Variants in MACROD2 observed in about 807,000 individuals in gnomAD.
MACROD2 encodes ADP-ribose glycohydrolase MACROD2.
MACROD2 carries 36 observed loss-of-function variants against 70.4 expected under a neutral mutation model. The observed-to-expected ratio is 0.51, with a 90% confidence interval of 0.39 to 0.68. The LOEUF (loss-of-function observed/expected upper bound fraction) is 0.68, where lower values mean the gene tolerates loss of function less well. Ranked by LOEUF, MACROD2 falls within the 30% of genes least tolerant of loss-of-function variation. The pLI is 0.00. For missense variants in MACROD2, 496 were observed against 538.4 expected (o/e 0.92, Z 0.78); for synonymous variants, 172 against 178.8 (o/e 0.96, Z 0.30).
At chr20:15,657,445 T>C (rs1387724476) in intron 8 of MACROD2, among the ~76,000 whole-genome samples, 2 of 152,158 alleles carry the variant, frequency 1.3e-5, no homozygotes, top group South Asian at 4.1e-4. Flanking sequence ...GAAAATGTAT[T>C]TTCTTAAATC....
intron 8 of MACROD2, among the ~76,000 whole-genome samples, chr20:15,823,757 G>A (rs2063967212): frequency 6.6e-6 from 1 of 152,190 alleles, no homozygotes; most frequent in Non-Finnish European, 1.5e-5. Flanking sequence ...ATATGGCTGT[G>A]TAATTGTCAG....
chr20:14,957,970 G>A (rs905975361), intron 5 of MACROD2, among the ~76,000 whole-genome samples: 1 of 151,882 alleles, frequency 6.6e-6, no homozygotes, highest in South Asian at 2.1e-4. Flanking sequence ...CTATTAGGTT[G>A]GTGCAAAAAT....
chr20:14,647,428 T>C (rs1216823663), intron 4 of MACROD2, among the ~76,000 whole-genome samples: 1 of 152,108 alleles, frequency 6.6e-6, no homozygotes, highest in Non-Finnish European at 1.5e-5. Context: ...GGTGTAATGA[T>C]AAAAGAGATA....
chr20:14,180,676 A>C, intron 3 of MACROD2, among the ~76,000 whole-genome samples: 1 of 151,788 alleles, frequency 6.6e-6, no homozygotes, highest in East Asian at 1.9e-4. Flanking sequence ...ATTTTCTTTT[A>C]TCTTATTTTT....
intron 8 of MACROD2, among the ~76,000 whole-genome samples, chr20:15,627,093 A>T (rs948700506): frequency 2.6e-5 from 4 of 152,084 alleles, no homozygotes; most frequent in African/African-American, 7.2e-5. Flanking sequence ...CAGTAGGTAG[A>T]GATGTGTGAA....
At chr20:15,633,228 T>G (rs1166168997) in intron 8 of MACROD2, among the ~76,000 whole-genome samples, 1 of 152,212 alleles carries the variant, frequency 6.6e-6, no homozygotes, top group African/African-American at 2.4e-5. Context: ...AGTTTTTTTT[T>G]TATTTCAAAA....
intron 15 of MACROD2, among the ~76,000 whole-genome samples, chr20:16,013,821 T>C (rs1334690719): frequency 6.6e-6 from 1 of 152,242 alleles, no homozygotes; most frequent in African/African-American, 2.4e-5. Flanking sequence ...TGGCATCCTA[T>C]TACTGCCAGA....
chr20:14,245,633 A>G (rs921818131), intron 3 of MACROD2, among the ~76,000 whole-genome samples: 2 of 152,178 alleles, frequency 1.3e-5, no homozygotes, highest in African/African-American at 4.8e-5. Flanking sequence ...AAAGAGCAGA[A>G]TTAAAGAATC....
At chr20:15,994,358 G>C (rs2066599245) in intron 15 of MACROD2, among the ~76,000 whole-genome samples, 1 of 152,026 alleles carries the variant, frequency 6.6e-6, no homozygotes, top group South Asian at 2.1e-4. Flanking sequence ...ATTAAAGTAA[G>C]ACACAATAAT....
chr20:15,879,571 A>G (rs1210764053), intron 9 of MACROD2, among the ~76,000 whole-genome samples: 1 of 152,172 alleles, frequency 6.6e-6, no homozygotes, highest in Non-Finnish European at 1.5e-5. Context: ...TGTCTCATAA[A>G]AAGTTATCTT....
intron 6 of MACROD2, among the ~76,000 whole-genome samples, chr20:15,382,014 A>G (rs1174343024): frequency 1.3e-5 from 2 of 152,156 alleles, no homozygotes; most frequent in Non-Finnish European, 2.9e-5. Context: ...AGAAGCTTTA[A>G]TATGCTAAAA....
chr20:15,472,533 C>G (rs1280414307), intron 7 of MACROD2, among the ~76,000 whole-genome samples: 1 of 151,520 alleles, frequency 6.6e-6, no homozygotes, highest in Non-Finnish European at 1.5e-5. Flanking sequence ...TGTTTTTTTT[C>G]TATTAATAAC....
intron 5 of MACROD2, among the ~76,000 whole-genome samples, chr20:15,021,108 GTA>G (rs767934980): frequency 0.039 from 3,955 of 101,556 alleles, 530 homozygotes; most frequent in Admixed American, 0.052. Context: ...GTATACACGT[GTA>G]TGTGTATACA....
At chr20:14,965,105 T>C (rs1334953351) in intron 5 of MACROD2, among the ~76,000 whole-genome samples, 1 of 152,092 alleles carries the variant, frequency 6.6e-6, no homozygotes, top group South Asian at 2.1e-4. Context: ...TTACTATAAA[T>C]GGTCAGCAGA....
chr20:14,179,291 A>G (rs1258164980), intron 3 of MACROD2, among the ~76,000 whole-genome samples: 2 of 152,174 alleles, frequency 1.3e-5, no homozygotes, highest in Non-Finnish European at 2.9e-5. Context: ...AAGATATGTT[A>G]CTATTTCTGA....
chr20:14,283,304 G>C (rs1015681875), intron 3 of MACROD2, among the ~76,000 whole-genome samples: 15 of 152,264 alleles, frequency 9.9e-5, no homozygotes, highest in African/African-American at 3.6e-4. Flanking sequence ...CATGGCTTTT[G>C]ATTACCTGCC....
chr20:14,893,719 T>C (rs1312205184), intron 5 of MACROD2: 1 of 152,170 alleles, frequency 6.6e-6, no homozygotes, highest in East Asian at 1.9e-4. Flanking sequence ...TCATTTTGTA[T>C]TGGGTTTTCT....
chr20:15,583,804 C>T (rs564746964), intron 8 of MACROD2, among the ~76,000 whole-genome samples: 84 of 152,216 alleles, frequency 5.5e-4, no homozygotes, highest in Non-Finnish European at 8.5e-4. Context: ...CCACCACGCC[C>T]GGCTTTTTAT....
At chr20:15,201,474 T>C (rs545751922) in intron 5 of MACROD2, among the ~76,000 whole-genome samples, 1 of 152,338 alleles carries the variant, frequency 6.6e-6, no homozygotes, top group South Asian at 2.1e-4. Flanking sequence ...GAGACAATGA[T>C]ACAAATTGCT....
Sources: gnomAD v4.1 joint callset for allele counts (sites outside exome capture counted in the v4.1 genomes callset) on GRCh38, gnomAD v4.1.1 for gene constraint, MANE v1.5 for transcripts, NCBI Gene and HGNC (gene_info 2026-07-23, HGNC 2026-07-21) for gene names.